The following CHD9 variants were observed in gnomAD, a reference collection of about 807,000 sequenced individuals.
CHD9 encodes the protein ATP-dependent chromatin remodeler CHD9.
CHD9 carries 77 observed loss-of-function variants against 316.1 expected under a neutral mutation model. The ratio of observed to expected loss-of-function variants is 0.24; its 90% CI spans 0.20 to 0.29. The LOEUF is 0.29. Among genes scored for constraint, CHD9 ranks in the 10% least tolerant of loss-of-function variants. The pLI is 1.00. For missense variants in CHD9, 2,763 were observed against 3,438.1 expected, an observed-to-expected ratio of 0.80 and a Z score of 4.91; for synonymous variants, 1,129 against 1,158.3, an observed-to-expected ratio of 0.97 and a Z score of 0.51.
intron 3 of CHD9, among the ~76,000 whole-genome samples, chr16:53,219,007 G>A (rs915284101): frequency 6.6e-6 from 1 of 152,048 alleles, no homozygotes. Context: ...GCAAAGTAAC[G>A]GATACCCTTA....
At chr16:53,259,095 G>A (rs2050849076) in intron 19 of CHD9, among the ~76,000 whole-genome samples, 1 of 152,120 alleles carries the variant, frequency 6.6e-6, no homozygotes, top group African/African-American at 2.4e-5. Context: ...GGGGGAACTA[G>A]GATATTAGGA....
intron 1 of CHD9, among the ~76,000 whole-genome samples, chr16:53,126,258 G>A (rs1303074609): frequency 6.6e-6 from 1 of 152,090 alleles, no homozygotes; most frequent in African/African-American, 2.4e-5. Flanking sequence ...TCATTCTTTA[G>A]TATGTGTGTA....
intron 2 of CHD9, among the ~76,000 whole-genome samples, chr16:53,162,458 T>G (rs1171458775): frequency 6.6e-6 from 1 of 152,188 alleles, no homozygotes; most frequent in Non-Finnish European, 1.5e-5. Flanking sequence ...TATAGCAGAA[T>G]CTTTAGTTTT....
intron 1 of CHD9, among the ~76,000 whole-genome samples, chr16:53,131,896 A>G (rs1185919258): frequency 6.6e-6 from 1 of 151,054 alleles, no homozygotes; most frequent in Non-Finnish European, 1.5e-5. Flanking sequence ...CGTGGCCCGG[A>G]CCCCGCCAGC....
chr16:53,133,494 G>T (rs146771870), intron 1 of CHD9, among the ~76,000 whole-genome samples: 200 of 152,210 alleles, frequency 1.3e-3, no homozygotes, highest in African/African-American at 4.6e-3. Flanking sequence ...CCTCTTCTTG[G>T]ATAGAGTGCT....
intron 1 of CHD9, among the ~76,000 whole-genome samples, chr16:53,153,702 T>A (rs937505826): frequency 8.6e-5 from 13 of 152,010 alleles, no homozygotes; most frequent in Non-Finnish European, 1.9e-4. Flanking sequence ...ATTTTTTTTT[T>A]ATTTTTTATT....
intron 35 of CHD9, 107 bp from the exon 36 acceptor site, chr16:53,314,716 T>G (rs1276621016): frequency 5.5e-6 from 6 of 1,095,332 alleles, no homozygotes; most frequent in Non-Finnish European, 7.8e-6. Flanking sequence ...TTTAGCAGAA[T>G]TTTTAGCAAC....
chr16:53,303,700 G>A lies in CHD9; in HGVS notation c.5714-20G>A, dbSNP rs1196324028. The A allele has an allele frequency of 6.6e-7, 1 of 1,518,580 alleles. No homozygotes were observed. The highest frequency in any genetic ancestry group is 1.4e-5 in the African/African-American group (1 of 71,752). 94.1% of individuals were successfully genotyped at this position (1,518,580 alleles called of 1,614,324 possible). ...AAGGATTTTTGAGATTAATATTTTTGTCCTTGTTTCAATATGTAGAATTGG... is the reference window on the plus strand; with the variant it reads ...AAGGATTTTTGAGATTAATATTTTTATCCTTGTTTCAATATGTAGAATTGG... On this transcript the variant is annotated intron_variant, in intron 30 of 38. Transcript: ENST00000447540.
intron 1 of CHD9, among the ~76,000 whole-genome samples, chr16:53,069,923 G>T (rs1356383207): frequency 6.6e-6 from 1 of 151,638 alleles, no homozygotes; most frequent in Non-Finnish European, 1.5e-5. Context: ...TTTGTGTGTG[G>T]TTTTTTTTGA....
chr16:53,195,939 G>A (rs1439383468), intron 2 of CHD9, among the ~76,000 whole-genome samples: 1 of 151,936 alleles, frequency 6.6e-6, no homozygotes, highest in East Asian at 1.9e-4. Context: ...TGTATTTTTA[G>A]TAGAGATGGG....
At chr16:53,292,500 A>G (rs921006101) in intron 28 of CHD9, among the ~76,000 whole-genome samples, 3 of 152,208 alleles carry the variant, frequency 2.0e-5, no homozygotes, top group African/African-American at 7.2e-5. Context: ...AGCGTTTACA[A>G]TATTCAGCCT....
At chr16:53,164,087 A>C (rs2042106406) in intron 2 of CHD9, among the ~76,000 whole-genome samples, 1 of 152,228 alleles carries the variant, frequency 6.6e-6, no homozygotes, top group South Asian at 2.1e-4. Flanking sequence ...TTTACTTAAA[A>C]GCATATTAAT....
chr16:53,308,881 A>C (rs768751587), intron 34 of CHD9, 27 bp downstream of exon 34: 1 of 1,559,820 alleles, frequency 6.4e-7, no homozygotes, highest in Non-Finnish European at 8.8e-7. Context: ...TAATTGTCTT[A>C]CTATGAAATA....
intron 1 of CHD9, among the ~76,000 whole-genome samples, chr16:53,145,457 A>G (rs751586866): frequency 2.0e-5 from 3 of 151,304 alleles, no homozygotes; most frequent in Admixed American, 6.6e-5. Flanking sequence ...GGCCAATCCC[A>G]GCACTTTAGG....
intron 5 of CHD9, chr16:53,227,024 C>G (rs2047717693): frequency 4.7e-6 from 1 of 213,766 alleles, no homozygotes; most frequent in East Asian, 1.7e-4. Flanking sequence ...GCATTATGAC[C>G]CAACCACTCA....
intron 2 of CHD9, among the ~76,000 whole-genome samples, chr16:53,184,052 C>T (rs1351269270): frequency 6.6e-6 from 1 of 151,814 alleles, no homozygotes; most frequent in Admixed American, 6.6e-5. Flanking sequence ...TCATGCCATT[C>T]TCCTGCCTCA....
chr16:53,211,900 A>G (rs971171685), intron 3 of CHD9, among the ~76,000 whole-genome samples: 8 of 152,184 alleles, frequency 5.3e-5, no homozygotes, highest in African/African-American at 1.7e-4. Flanking sequence ...GAATTTGGTG[A>G]GTTTTAAATT....
At chr16:53,061,199 T>C (rs2032861343) in intron 1 of CHD9, among the ~76,000 whole-genome samples, 1 of 152,144 alleles carries the variant, frequency 6.6e-6, no homozygotes, top group Admixed American at 6.5e-5. Context: ...AGTGCTAGGA[T>C]TACAGGCATG....
At chr16:53,301,075 A>C (rs1018140434) in intron 30 of CHD9, among the ~76,000 whole-genome samples, 2 of 152,226 alleles carry the variant, frequency 1.3e-5, no homozygotes, top group African/African-American at 4.8e-5. Context: ...TCTGTCTCAA[A>C]AAAAGAAAAA....
Sources: gnomAD v4.1 joint callset for allele counts (sites outside exome capture counted in the v4.1 genomes callset) on GRCh38, gnomAD v4.1.1 for gene constraint, MANE v1.5 for transcripts, NCBI Gene and HGNC (gene_info 2026-07-23, HGNC 2026-07-21) for gene names.